Variants in RAB30 observed in about 807,000 individuals in gnomAD.
The protein encoded by RAB30 is ras-related protein Rab-30.
Under a neutral mutation model 25.1 loss-of-function variants are expected in RAB30, and 9 were observed. The observed-to-expected ratio is 0.36, with a 90% confidence interval of 0.22 to 0.63. The LOEUF (loss-of-function observed/expected upper bound fraction) is 0.63, where lower values mean the gene tolerates loss of function less well. RAB30 is among the 20% of genes least tolerant of loss of function. RAB30 has a pLI of 0.69. For synonymous variants in RAB30, 77 were observed against 86.4 expected (o/e 0.89, Z 0.60); for missense variants, 140 against 243.5 (o/e 0.58, Z 2.83).
At chr11:83,041,275 T>C (rs1307791586) in intron 1 of RAB30, 1 of 181,586 alleles carries the variant, frequency 5.5e-6, no homozygotes, top group Non-Finnish European at 1.2e-5. Context: ...ACCAGGGAAC[T>C]TGAACTTGGC....
At chr11:83,002,633 C>T (rs1857109409) in intron 1 of RAB30, among the ~76,000 whole-genome samples, 1 of 151,998 alleles carries the variant, frequency 6.6e-6, no homozygotes, top group Non-Finnish European at 1.5e-5. Flanking sequence ...ACATTTAAAC[C>T]ATTCTTTAAA....
chr11:83,010,661 T>G (rs1565275568), intron 1 of RAB30, among the ~76,000 whole-genome samples: 1 of 152,132 alleles, frequency 6.6e-6, no homozygotes, highest in Non-Finnish European at 1.5e-5. Context: ...TTCAATGGGC[T>G]CTTCCAGAAG....
chr11:83,026,937 T>G (rs1857732591), intron 1 of RAB30, among the ~76,000 whole-genome samples: 1 of 152,124 alleles, frequency 6.6e-6, no homozygotes, highest in African/African-American at 2.4e-5. Context: ...TTCAGCTGAT[T>G]TAAACCACAG....
chr11:83,071,815 G>A lies in RAB30; in HGVS notation c.-133C>T, dbSNP rs1349837369. The A allele has an allele frequency of 8.8e-6, 3 of 342,104 alleles. No homozygotes were observed. Among genetic ancestry groups the A allele is most frequent in the South Asian group, 1.5e-4 (1 of 6,540 alleles). The allele number at this position is 342,104 out of a possible 1,614,324, so 21.2% of individuals were successfully genotyped here. A position where few individuals can be genotyped will look rare whatever the true frequency, so the allele number is the denominator to read the frequency against. ...GGCTGGAGTCAGTCCCTGCCCTGGT[G>A]CTGCTGCTACACTTAGCTCAGCTGG... On this transcript the variant is annotated 5_prime_UTR_variant, in exon 1 of 5. Transcript: ENST00000527633.
chr11:83,010,831 A>G (rs910123268), intron 1 of RAB30, among the ~76,000 whole-genome samples: 1 of 152,268 alleles, frequency 6.6e-6, no homozygotes, highest in African/African-American at 2.4e-5. Context: ...ACAGTAAAGA[A>G]CTAGAAACAA....
At chr11:83,026,989 T>C (rs1177801597) in intron 1 of RAB30, among the ~76,000 whole-genome samples, 1 of 152,126 alleles carries the variant, frequency 6.6e-6, no homozygotes, top group Non-Finnish European at 1.5e-5. Context: ...CTTGTACTCC[T>C]AGAGCAGGCG....
At chr11:83,066,206 T>C (rs1031730054) in intron 1 of RAB30, among the ~76,000 whole-genome samples, 13 of 152,238 alleles carry the variant, frequency 8.5e-5, no homozygotes, top group African/African-American at 2.9e-4. Flanking sequence ...TACACTATTC[T>C]GATGTTTCAT....
chr11:82,986,951 T>C (rs987110339), intron 4 of RAB30: 1 of 152,206 alleles, frequency 6.6e-6, no homozygotes, highest in Non-Finnish European at 1.5e-5. Context: ...AATATGTTAA[T>C]GATCAAATGG....
intron 1 of RAB30, among the ~76,000 whole-genome samples, chr11:83,059,681 G>A (rs1037066386): frequency 6.6e-6 from 1 of 152,180 alleles, no homozygotes; most frequent in Non-Finnish European, 1.5e-5. Context: ...AAAGTTACCT[G>A]TAGTTTCTGA....
intron 3 of RAB30, chr11:82,992,327 T>G (rs1408236396): frequency 8.8e-6 from 4 of 456,304 alleles, no homozygotes; most frequent in Non-Finnish European, 1.8e-5. Flanking sequence ...TGCTTTTATC[T>G]TCCAGTGCTC....
intron 1 of RAB30, among the ~76,000 whole-genome samples, chr11:83,010,822 C>T (rs919438911): frequency 6.6e-6 from 1 of 152,166 alleles, no homozygotes; most frequent in African/African-American, 2.4e-5. Context: ...TTATCTAAAA[C>T]AGTAAAGAAC....
In RAB30 at chr11:82,973,311, G is replaced by A. The variant is rs1214273156; in HGVS notation, c.*8854C>T. The stretch of plus-strand genomic sequence containing the variant: ...TATTTCTTAATAATAGAAAACATAG[G>A]CTACAATGAATGGACAGTCATATGG... On this transcript the variant is annotated 3_prime_UTR_variant, in exon 5 of 5. Transcript: ENST00000527633. 2 of 152,002 alleles carry A rather than the reference G, an allele frequency of 1.3e-5. No homozygotes were observed. Among genetic ancestry groups the A allele is most frequent in the Non-Finnish European group, 2.9e-5 (2 of 68,002 alleles). The allele number at this position is 152,002 out of a possible 1,614,324, so 9.4% of individuals were successfully genotyped here.
chr11:83,058,863 C>T (rs1333555969), intron 1 of RAB30, among the ~76,000 whole-genome samples: 1 of 152,230 alleles, frequency 6.6e-6, no homozygotes, highest in Non-Finnish European at 1.5e-5. Context: ...CAAATTCAAA[C>T]TCCAGTTTGT....
At chr11:82,985,662 A>G (rs991925267) in intron 4 of RAB30, among the ~76,000 whole-genome samples, 2 of 152,162 alleles carry the variant, frequency 1.3e-5, no homozygotes, top group African/African-American at 4.8e-5. Context: ...AAACTTCATA[A>G]AAAAGGATGA....
chr11:83,026,104 T>C (rs2121513094), intron 1 of RAB30, among the ~76,000 whole-genome samples: 1 of 152,108 alleles, frequency 6.6e-6, no homozygotes, highest in South Asian at 2.1e-4. Flanking sequence ...GATGGGAGGA[T>C]CACTTGAGCC....
chr11:83,026,094 G>A (rs1015221288), intron 1 of RAB30, among the ~76,000 whole-genome samples: 2 of 152,132 alleles, frequency 1.3e-5, no homozygotes, highest in African/African-American at 4.8e-5. Flanking sequence ...GGGAGACTGA[G>A]ATGGGAGGAT....
At chr11:83,019,268 C>T (rs1259564197) in intron 1 of RAB30, among the ~76,000 whole-genome samples, 1 of 152,180 alleles carries the variant, frequency 6.6e-6, no homozygotes, top group African/African-American at 2.4e-5. Context: ...TCAAGTGATC[C>T]GTCTACCTCA....
chr11:83,012,904 G>T (rs1014717858), intron 1 of RAB30, among the ~76,000 whole-genome samples: 2 of 152,042 alleles, frequency 1.3e-5, no homozygotes, highest in Non-Finnish European at 2.9e-5. Flanking sequence ...CCCCTAGACA[G>T]GTTCATCCCT....
At chr11:83,013,973 T>C (rs186902383) in intron 1 of RAB30, among the ~76,000 whole-genome samples, 2 of 152,316 alleles carry the variant, frequency 1.3e-5, no homozygotes, top group Admixed American at 1.3e-4. Flanking sequence ...GAGAAAAACA[T>C]TCACTCATTT....
Sources: gnomAD v4.1 joint callset for allele counts (sites outside exome capture counted in the v4.1 genomes callset) on GRCh38, gnomAD v4.1.1 for gene constraint, MANE v1.5 for transcripts, NCBI Gene and HGNC (gene_info 2026-07-23, HGNC 2026-07-21) for gene names.